Variants in HMCN2 observed in about 807,000 individuals in gnomAD.
HMCN2 encodes hemicentin-2.
Under a neutral mutation model 377.5 loss-of-function variants are expected in HMCN2, and 325 were observed. That is an observed-to-expected ratio of 0.86 (90% CI 0.79 to 0.94). The LOEUF is 0.94. Ranked by LOEUF, HMCN2 falls within the 40% of genes least tolerant of loss-of-function variation. The pLI, the probability that HMCN2 is intolerant of heterozygous loss-of-function variation, is 0.00. For missense variants in HMCN2, 4,543 were observed against 4,725.3 expected, an observed-to-expected ratio of 0.96 and a Z score of 1.13; for synonymous variants, 2,007 against 2,046.8, an observed-to-expected ratio of 0.98 and a Z score of 0.53.
rs781663740 is a variant in HMCN2 at position 130,354,896 on chromosome 9, C to G, written c.4998C>G (p.Pro1666=). 1 of 1,304,232 alleles carries G rather than the reference C, an allele frequency of 7.7e-7. No individual in the cohort carries two copies. Among genetic ancestry groups the G allele is most frequent in the Non-Finnish European group, 1.0e-6 (1 of 988,948 alleles). The allele number at this position is 1,304,232 out of a possible 1,614,324, so 80.8% of individuals were successfully genotyped here. Residue 1666 remains proline (P), a synonymous_variant, in exon 32 of 98, where the codon CCC becomes CCG. Coordinates refer to ENST00000683500, the MANE Select transcript of HMCN2 (RefSeq NM_001291815.2). The stretch of plus-strand genomic sequence containing the variant: ...TCTCCTGGCACCACGAGGGGCTGCC[C>G]GTGGCAGAGAGCAACGAGTCGCGGC... ...PTLSWHHEGL[P]VAESNESRLE...
chr9:130,274,318 A>G (rs1554922260), intron 1 of HMCN2, among the ~76,000 whole-genome samples: 1 of 152,128 alleles, frequency 6.6e-6, no homozygotes, highest in Admixed American at 6.5e-5. Context: ...AGCCTCCCAA[A>G]GTACTGGGAT....
intron 49 of HMCN2, among the ~76,000 whole-genome samples, chr9:130,375,187 A>G (rs1039850133): frequency 6.6e-6 from 1 of 152,352 alleles, no homozygotes; most frequent in African/African-American, 2.4e-5. Flanking sequence ...CTTGGGACCA[A>G]TGAAAGCAAA....
Position 130,394,477 on chromosome 9 carries a change from C to CAGGG in HMCN2, c.10594_10595insAGGG (p.Pro3532GlnfsTer10). 7.8e-7 allele frequency: 1 copy of CAGGG among 1,289,834 alleles called. No individual in the cohort carries two copies. The highest frequency in any genetic ancestry group is 1.0e-6 in the Non-Finnish European group (1 of 988,852). 79.9% of individuals were successfully genotyped at this position (1,289,834 alleles called of 1,614,324 possible). ...GCTCCTCTGTGATGCCCAGGGCACCCCCCAGCCCAACATCACCTGGCATAA... is the reference window on the plus strand; with the variant it reads ...GCTCCTCTGTGATGCCCAGGGCACCCAGGGCCCAGCCCAACATCACCTGGCATAA... On this transcript the variant is annotated frameshift_variant, in exon 69 of 98. Transcript: ENST00000683500. LOFTEE classifies it high-confidence loss of function. This position sits in a 1 kb window ranked among gnomAD's most constrained non-coding sequence, Gnocchi z 5.1.
intron 61 of HMCN2, among the ~76,000 whole-genome samples, 189 bp from the exon 62 acceptor site, chr9:130,388,219 AC>A (rs1010871572): frequency 1.3e-5 from 2 of 152,026 alleles, no homozygotes; most frequent in Non-Finnish European, 2.9e-5. Context: ...GGCTAAGGAG[AC>A]CCCGCTGGAG....
At chr9:130,324,433 A>G (rs1838017891) in intron 19 of HMCN2, among the ~76,000 whole-genome samples, 1 of 152,182 alleles carries the variant, frequency 6.6e-6, no homozygotes, top group Non-Finnish European at 1.5e-5. Context: ...GATTTCCCAC[A>G]TAACCCTGGC....
At chr9:130,341,571 G>T (rs1839048293) in intron 24 of HMCN2, among the ~76,000 whole-genome samples, 1 of 152,174 alleles carries the variant, frequency 6.6e-6, no homozygotes, top group South Asian at 2.1e-4. Flanking sequence ...CAGTCCTTGG[G>T]TATGGACCAG....
intron 8 of HMCN2, among the ~76,000 whole-genome samples, chr9:130,301,973 G>A (rs1447229325): frequency 2.0e-5 from 3 of 152,210 alleles, no homozygotes; most frequent in Non-Finnish European, 4.4e-5. Flanking sequence ...TACAAGCTAT[G>A]AGATTTTACT....
At chr9:130,433,089 C>G in intron 97 of HMCN2, 1 of 458,182 alleles carries the variant, frequency 2.2e-6, no homozygotes, top group African/African-American at 2.0e-5. Flanking sequence ...CTGGGCTTCC[C>G]TGGGGCATGG....
intron 1 of HMCN2, among the ~76,000 whole-genome samples, chr9:130,279,169 G>A (rs1444451424): frequency 6.6e-6 from 1 of 152,084 alleles, no homozygotes; most frequent in East Asian, 1.9e-4. Flanking sequence ...AAAGTGCTGG[G>A]ATTACAGGCA....
At position 130,265,805 on chromosome 9, in the gene HMCN2, G is replaced by A. The variant is rs566648389; in HGVS notation, c.-74G>A. ...GAGCAAGGCACTGCCTGCAGCCGCC[G>A]TGTGCACCGGGGCGGCCGGCTAGCT... On this transcript the variant is annotated 5_prime_UTR_variant, in exon 1 of 98. It adds an upstream start codon to the 5' untranslated region. Coordinates refer to ENST00000683500, the MANE Select transcript of HMCN2 (RefSeq NM_001291815.2). The A allele has an allele frequency of 1.5e-4, 42 of 279,348 alleles. No individual in the cohort carries two copies. Among genetic ancestry groups the A allele is most frequent in the Middle Eastern group, 2.7e-3 (2 of 752 alleles). The allele number at this position is 279,348 out of a possible 1,614,324, so 17.3% of individuals were successfully genotyped here.
At chr9:130,309,750 A>G (rs1554938230) in intron 14 of HMCN2, among the ~76,000 whole-genome samples, 162 bp from the exon 15 acceptor site, 1 of 152,078 alleles carries the variant, frequency 6.6e-6, no homozygotes, top group African/African-American at 2.4e-5. Flanking sequence ...GCAGGACTGG[A>G]CCCAGGGGTC....
At position 130,309,943 on chromosome 9, in the gene HMCN2, C is replaced by G; in HGVS notation, c.2232C>G (p.Gly744=). ...TTGAAATGATCCTGGCCCCTGAGGG[C>G]TCCAGCTCTGGGAAGCTGCGGATCC... ...GGLEMILAPE[G]SSSGKLRIPA... The change falls in exon 15 of 98, where the codon GGC becomes GGG. Residue 744 remains glycine, a synonymous_variant. Coordinates refer to ENST00000683500, the MANE Select transcript of HMCN2 (RefSeq NM_001291815.2). 3.8e-6 allele frequency: 2 copies of G among 523,822 alleles called. No individual in the cohort carries two copies. Among genetic ancestry groups the G allele is most frequent in the Middle Eastern group, 3.2e-4 (1 of 3,136 alleles). The allele number at this position is 523,822 out of a possible 1,614,324, so 32.4% of individuals were successfully genotyped here. A position where few individuals can be genotyped will look rare whatever the true frequency, so the allele number is the denominator to read the frequency against.
In HMCN2 at chr9:130,399,527, G is replaced by A. The variant is rs1248636648; in HGVS notation, c.11500G>A (p.Ala3834Thr). The change falls in exon 76 of 98, where the codon GCC (alanine) becomes ACC (threonine). Residue 3834 changes from alanine (A) to threonine (T), a missense_variant. By Grantham distance (58) the Ala-to-Thr change is moderately conservative (BLOSUM62 0). Around this residue, in one of 5 missense-constraint regions of HMCN2, gnomAD observed 1,073 missense variants for 1,319.5 expected, o/e 0.81. Transcript: ENST00000683500. ...QGAYRLLPSN[A>T]LLLTAPGPQD... ...CCACCCCAGGCTCCTGCCCTCCAAC[G>A]CCCTGCTCCTCACGGCCCCCGGCCC... The A allele has an allele frequency of 3.1e-6, 4 of 1,288,668 alleles. No homozygotes were observed. Among genetic ancestry groups the A allele is most frequent in the South Asian group, 2.5e-5 (2 of 80,910 alleles). The allele number at this position is 1,288,668 out of a possible 1,614,324, so 79.8% of individuals were successfully genotyped here. A position where few individuals can be genotyped will look rare whatever the true frequency, so the allele number is the denominator to read the frequency against.
In HMCN2 at chr9:130,351,332, C is replaced by T. The variant is rs961715876; in HGVS notation, c.4431-91C>T. On this transcript the variant is annotated intron_variant, in intron 29 of 97. Transcript: ENST00000683500. The surrounding 1 kb of genome is among the most constrained non-coding windows in gnomAD (Gnocchi z 5.4). ...TTGGCGCTAATGAATGGCCCAGCCTCGCTTTTTACAAGCCACACACTCCCT... is the reference window on the plus strand; with the variant it reads ...TTGGCGCTAATGAATGGCCCAGCCTTGCTTTTTACAAGCCACACACTCCCT... 32 of 1,057,770 alleles carry T rather than the reference C, an allele frequency of 3.0e-5. No homozygotes were observed. Among genetic ancestry groups the T allele is most frequent in the East Asian group, 2.0e-4 (3 of 14,932 alleles). 65.5% of individuals were successfully genotyped at this position (1,057,770 alleles called of 1,614,324 possible).
At chr9:130,306,745 G>C in intron 12 of HMCN2, 66 bp from the exon 13 acceptor site, 1 of 431,034 alleles carries the variant, frequency 2.3e-6, no homozygotes, top group East Asian at 7.2e-5. Context: ...TAGTGAATTT[G>C]TTATTAATGA....
At chr9:130,365,166 G>A (rs940185735) in intron 41 of HMCN2, among the ~76,000 whole-genome samples, 5 of 152,176 alleles carry the variant, frequency 3.3e-5, no homozygotes, top group African/African-American at 1.2e-4. Context: ...ACTGCCATTT[G>A]GTTTCCCCTC....
chr9:130,358,552 G>A, intron 36 of HMCN2, 66 bp downstream of exon 36: 2 of 1,294,220 alleles, frequency 1.5e-6, no homozygotes, highest in South Asian at 2.5e-5. Flanking sequence ...GGACCCTTGG[G>A]GCTGAAGTGT....
At position 130,356,135 on chromosome 9, in the gene HMCN2, T is replaced by C; in HGVS notation, c.5303T>C (p.Val1768Ala). The change falls in exon 34 of 98, where the codon GTG becomes GCG. Residue 1768 changes from valine to alanine, a missense_variant. Physicochemically the swap from Val to Ala is moderately conservative, Grantham distance 64. Around this residue, in one of 5 missense-constraint regions of HMCN2, gnomAD observed 1,032 missense variants for 1,285.1 expected, o/e 0.80. Coordinates refer to ENST00000683500, the MANE Select transcript of HMCN2 (RefSeq NM_001291815.2). ...GCCGAGGAGCTGGCTGGGGTGCAGG[T>C]GGCCTCGCAGGGGACCACACTGCAC... Reference protein sequence around the residue: ...RPAEELAGVQVASQGTTLHID... With the variant: ...RPAEELAGVQAASQGTTLHID... The C allele has an allele frequency of 7.7e-7, 1 of 1,300,818 alleles. No individual in the cohort carries two copies. The highest frequency in any genetic ancestry group is 1.0e-6 in the Non-Finnish European group (1 of 988,428). 80.6% of individuals were successfully genotyped at this position (1,300,818 alleles called of 1,614,324 possible).
In HMCN2 at chr9:130,431,504, C is replaced by T. The variant is rs193203147; in HGVS notation, c.14767+18C>T. On this transcript the variant is annotated intron_variant, in intron 96 of 97. Transcript: ENST00000683500. ...CTGCCAGGGTGAGCCGGGCTCAGGC[C>T]GCCGCCCAAACACCCGTGGGGCTAG... 3,252 of 1,546,120 alleles carry T rather than the reference C, an allele frequency of 2.1e-3. 33 individuals are homozygous for T. Among genetic ancestry groups the T allele is most frequent in the South Asian group, 0.017 (1,448 of 83,906 alleles).
Sources: allele counts gnomAD v4.1 joint callset (sites outside exome capture counted in the v4.1 genomes callset), GRCh38; gene constraint gnomAD v4.1.1; regional missense constraint gnomAD v4.1.1; non-coding constraint Gnocchi (gnomAD v3.1); transcripts MANE v1.5; gene names NCBI Gene and HGNC (gene_info 2026-07-23, HGNC 2026-07-21).